CORO2B: variants seen among roughly 807,000 people sequenced by gnomAD.
The protein encoded by CORO2B is coronin-2B.
A neutral mutation model predicts 58.8 loss-of-function variants in CORO2B; 26 were observed. That is an observed-to-expected ratio of 0.44 (90% CI 0.32 to 0.61). The LOEUF is 0.61. Ranked by LOEUF, CORO2B falls within the 20% of genes least tolerant of loss-of-function variation. CORO2B has a pLI of 0.04. For synonymous variants in CORO2B, 242 were observed against 253.8 expected, an observed-to-expected ratio of 0.95 and a Z score of 0.44; for missense variants, 460 against 645.1, an observed-to-expected ratio of 0.71 and a Z score of 3.11.
chr15:68,615,963 G>A (rs1900344684), intron 1 of CORO2B, among the ~76,000 whole-genome samples: 1 of 152,198 alleles, frequency 6.6e-6, no homozygotes, highest in Non-Finnish European at 1.5e-5. Context: ...TGAGCAGGGT[G>A]GAGGAGGCTG....
chr15:68,680,634 G>C (rs73425186), intron 2 of CORO2B, among the ~76,000 whole-genome samples: 1 of 152,158 alleles, frequency 6.6e-6, no homozygotes, highest in East Asian at 1.9e-4. Context: ...AGACACTGGG[G>C]TTATAGCAGA....
In CORO2B at chr15:68,647,278, A is replaced by G. The variant is rs80084156; in HGVS notation, c.216+1918A>G. ...TTTAAAAGACAGTTTCTGTATTACAATGAGGCACCTAAACAAAATGAAAAC... is the reference window on the plus strand; with the variant it reads ...TTTAAAAGACAGTTTCTGTATTACAGTGAGGCACCTAAACAAAATGAAAAC... On this transcript the variant is annotated intron_variant, in intron 2 of 11. Coordinates refer to ENST00000261861, the MANE Select transcript of CORO2B (RefSeq NM_006091.5). 9.1e-4 allele frequency among the ~76,000 whole-genome samples: 138 copies of G among 152,374 alleles called. 1 individual carries two copies. The East Asian group carries it at 0.023, about 26-fold the overall frequency.
At chr15:68,544,459 AAC>A in the CORO2B span, among the ~76,000 whole-genome samples, 3 of 152,254 alleles carry the variant, frequency 2.0e-5, no homozygotes, top group East Asian at 5.8e-4. Context: ...TAGGGGAGAA[AAC>A]ACAGTGTTTG....
intron 2 of CORO2B, among the ~76,000 whole-genome samples, chr15:68,672,407 A>G (rs996213371): frequency 2.0e-5 from 3 of 151,848 alleles, no homozygotes; most frequent in Non-Finnish European, 4.4e-5. Context: ...GAATGTTTGT[A>G]TAACAGCCGG....
At chr15:68,577,049 C>T (rs144941915), upstream of CORO2B, among the ~76,000 whole-genome samples, 1 of 152,196 alleles carries the variant, frequency 6.6e-6, no homozygotes, top group Non-Finnish European at 1.5e-5. Context: ...GAGAGCATTC[C>T]TGGCAGGCAA....
At chr15:68,663,320 T>C (rs897683386) in intron 2 of CORO2B, among the ~76,000 whole-genome samples, 2 of 152,238 alleles carry the variant, frequency 1.3e-5, no homozygotes, top group Non-Finnish European at 2.9e-5. Context: ...AGTATTTCCA[T>C]TGTTTCTTAA....
chr15:68,691,745 C>T (rs768784064), intron 2 of CORO2B, among the ~76,000 whole-genome samples: 1 of 151,924 alleles, frequency 6.6e-6, no homozygotes, highest in Non-Finnish European at 1.5e-5. Context: ...TCTGGCCACT[C>T]CTTCTTCTAA....
chr15:68,706,414 T>C (rs1892786865), intron 3 of CORO2B, among the ~76,000 whole-genome samples: 1 of 150,212 alleles, frequency 6.7e-6, no homozygotes, highest in Non-Finnish European at 1.5e-5. Flanking sequence ...TTAGTGCTAC[T>C]CAAGAGCAGG....
chr15:68,633,338 G>C (rs1440656056), intron 1 of CORO2B, among the ~76,000 whole-genome samples: 2 of 152,094 alleles, frequency 1.3e-5, no homozygotes, highest in Non-Finnish European at 2.9e-5. Flanking sequence ...GGGAGTGAGA[G>C]GTGGAGAACA....
At chr15:68,725,734 G>T in intron 11 of CORO2B, 109 bp from the exon 12 acceptor site, 1 of 1,409,688 alleles carries the variant, frequency 7.1e-7, no homozygotes, top group East Asian at 2.3e-5. Context: ...GGAGGCCTGG[G>T]GGAATGTGAG....
intron 3 of CORO2B, among the ~76,000 whole-genome samples, chr15:68,702,821 C>CTTTTTTTTTTTTTTTTTTTTTTTTTT (rs113249272): frequency 2.1e-5 from 2 of 96,256 alleles, no homozygotes; most frequent in Non-Finnish European, 3.9e-5. Context: ...TTTTCTTTTT[C>CTTTTTTTTTTTTTTTTTTTTTTTTTT]TTTTTTTTTT....
chr15:68,578,494 C>T (rs1899330324), upstream of CORO2B, among the ~76,000 whole-genome samples: 1 of 152,232 alleles, frequency 6.6e-6, no homozygotes, highest in South Asian at 2.1e-4. This position sits in a 1 kb window ranked among gnomAD's most constrained non-coding sequence, Gnocchi z 4.2. Context: ...CCACCCTGTG[C>T]CCCGGGCCAG....
chr15:68,540,361 A>G, the CORO2B span, among the ~76,000 whole-genome samples: 12 of 152,262 alleles, frequency 7.9e-5, no homozygotes, highest in Non-Finnish European at 1.8e-4. Context: ...CCAAAATTCT[A>G]ATTTGCACTT....
At chr15:68,583,279 T>C (rs902355661) in intron 1 of CORO2B, among the ~76,000 whole-genome samples, 2 of 152,166 alleles carry the variant, frequency 1.3e-5, no homozygotes, top group African/African-American at 4.8e-5. Context: ...GAATAAAATT[T>C]TGGAGCGGGC....
At chr15:68,648,808 G>A (rs1901541112) in intron 2 of CORO2B, among the ~76,000 whole-genome samples, 1 of 152,218 alleles carries the variant, frequency 6.6e-6, no homozygotes, top group South Asian at 2.1e-4. Context: ...GAGAGAGCAG[G>A]TGCTCAAATA....
chr15:68,711,757 G>A (rs1322680975), intron 5 of CORO2B, 51 bp downstream of exon 5: 2 of 1,603,014 alleles, frequency 1.2e-6, no homozygotes, highest in Non-Finnish European at 1.7e-6. Flanking sequence ...GAGGGCTGGG[G>A]CTCAGCTTTC....
chr15:68,671,777 G>C (rs956978077), intron 2 of CORO2B, among the ~76,000 whole-genome samples: 1 of 152,218 alleles, frequency 6.6e-6, no homozygotes, highest in South Asian at 2.1e-4. Context: ...ATCCAGGTGA[G>C]AGCAAGAGAG....
At chr15:68,586,172 A>G (rs1355151318) in intron 1 of CORO2B, among the ~76,000 whole-genome samples, 1 of 152,176 alleles carries the variant, frequency 6.6e-6, no homozygotes, top group Non-Finnish European at 1.5e-5. Flanking sequence ...TGATAATAGT[A>G]ACAATCCTTT....
intron 2 of CORO2B, among the ~76,000 whole-genome samples, chr15:68,646,981 C>T (rs544765399): frequency 6.6e-6 from 1 of 152,308 alleles, no homozygotes; most frequent in African/African-American, 2.4e-5. Flanking sequence ...TCCCCAGGAA[C>T]ATGTGGGCTG....
Sources: allele counts gnomAD v4.1 joint callset (sites outside exome capture counted in the v4.1 genomes callset), GRCh38; gene constraint gnomAD v4.1.1; non-coding constraint Gnocchi (gnomAD v3.1); transcripts MANE v1.5; gene names NCBI Gene and HGNC (gene_info 2026-07-23, HGNC 2026-07-21).